The following TSHZ2 variants were observed in gnomAD, a reference collection of about 807,000 sequenced individuals.
TSHZ2 encodes teashirt zinc finger homeobox 2.
Under a neutral mutation model 74.4 loss-of-function variants are expected in TSHZ2, and 21 were observed. The ratio of observed to expected loss-of-function variants is 0.28; its 90% CI spans 0.20 to 0.41. The LOEUF (loss-of-function observed/expected upper bound fraction) is 0.41. TSHZ2 is among the 10% of genes least tolerant of loss of function. TSHZ2 has a pLI of 1.00. For synonymous variants in TSHZ2, 540 were observed against 515.3 expected, an observed-to-expected ratio of 1.05 and a Z score of -0.65; for missense variants, 1,244 against 1,293.5, an observed-to-expected ratio of 0.96 and a Z score of 0.59.
intron 1 of TSHZ2, among the ~76,000 whole-genome samples, chr20:53,002,311 C>T (rs965903775): frequency 1.3e-5 from 2 of 152,200 alleles, no homozygotes; most frequent in Admixed American, 6.5e-5. Flanking sequence ...CCCGTGCTGT[C>T]GACCCTTCTG....
chr20:53,160,639 C>G (rs2123461507), intron 1 of TSHZ2, among the ~76,000 whole-genome samples: 1 of 150,860 alleles, frequency 6.6e-6, no homozygotes, highest in East Asian at 2.0e-4. Context: ...CATGGTGGTG[C>G]ACACCTAAGG....
chr20:53,205,744 C>T (rs1989152045), intron 1 of TSHZ2, among the ~76,000 whole-genome samples: 1 of 152,178 alleles, frequency 6.6e-6, no homozygotes, highest in African/African-American at 2.4e-5. Context: ...CCTGCTCCCT[C>T]TCAATGCCTT....
intron 2 of TSHZ2, among the ~76,000 whole-genome samples, chr20:53,415,535 C>T (rs550518976): frequency 6.6e-6 from 1 of 152,148 alleles, no homozygotes; most frequent in South Asian, 2.1e-4. Context: ...CCACCTAGCA[C>T]ACTCTTACTA....
intron 2 of TSHZ2, among the ~76,000 whole-genome samples, chr20:53,392,785 T>C (rs1399549381): frequency 6.6e-6 from 1 of 152,120 alleles, no homozygotes; most frequent in South Asian, 2.1e-4. Context: ...TGGGTTTTGG[T>C]GTACAGATAA....
chr20:53,095,266 T>C (rs1244173803), intron 1 of TSHZ2, among the ~76,000 whole-genome samples: 1 of 152,256 alleles, frequency 6.6e-6, no homozygotes, highest in Non-Finnish European at 1.5e-5. Context: ...TCTAGCAGCC[T>C]CAGCTTTATA....
intron 1 of TSHZ2, among the ~76,000 whole-genome samples, chr20:53,072,032 C>T (rs954249417): frequency 1.3e-5 from 2 of 152,166 alleles, no homozygotes; most frequent in African/African-American, 2.4e-5. Flanking sequence ...CTAAACATCC[C>T]GTAATGCACA....
chr20:53,193,629 G>T (rs1385599513), intron 1 of TSHZ2, among the ~76,000 whole-genome samples: 1 of 152,158 alleles, frequency 6.6e-6, no homozygotes, highest in Non-Finnish European at 1.5e-5. Flanking sequence ...TTTTCAATGG[G>T]TTGAATTCAT....
intron 1 of TSHZ2, among the ~76,000 whole-genome samples, chr20:53,051,323 G>A (rs1463980908): frequency 1.3e-5 from 2 of 152,026 alleles, no homozygotes; most frequent in East Asian, 3.9e-4. Flanking sequence ...TGGGTGACGG[G>A]AGCAAGACTG....
chr20:53,055,697 G>T (rs1984617301), intron 1 of TSHZ2, among the ~76,000 whole-genome samples: 6 of 152,160 alleles, frequency 3.9e-5, no homozygotes, highest in Middle Eastern at 3.4e-3. Context: ...CAACTGACAT[G>T]TTACCTCTTT....
chr20:53,149,854 G>A (rs896889397), intron 1 of TSHZ2, among the ~76,000 whole-genome samples: 12 of 152,142 alleles, frequency 7.9e-5, no homozygotes, highest in African/African-American at 2.2e-4. Context: ...AAGCACGCTC[G>A]GAAAATGCCC....
rs1302346626 is a variant in TSHZ2 at position 53,489,322 on chromosome 20, A to T, written c.*2187A>T. ...AATGAATGGAGCTCGACTGGAAAGG[A>T]ACAGTCTTCAGATGGGTTAAGATTG... On this transcript the variant is annotated 3_prime_UTR_variant, in exon 3 of 3. Coordinates refer to ENST00000371497, the MANE Select transcript of TSHZ2 (RefSeq NM_173485.6). 1 of 394,556 alleles carries T rather than the reference A, an allele frequency of 2.5e-6. No homozygotes were observed. Among genetic ancestry groups the T allele is most frequent in the Non-Finnish European group, 5.0e-6 (1 of 198,536 alleles). The allele number at this position is 394,556 out of a possible 1,614,324, so 24.4% of individuals were successfully genotyped here. A position where few individuals can be genotyped will look rare whatever the true frequency, so the allele number is the denominator to read the frequency against.
chr20:52,982,596 A>G (rs1297243215), intron 1 of TSHZ2, among the ~76,000 whole-genome samples: 1 of 152,226 alleles, frequency 6.6e-6, no homozygotes, highest in Non-Finnish European at 1.5e-5. Context: ...AGGTGCTGTA[A>G]AAATAACAGT....
chr20:53,406,726 C>A (rs1299758355), intron 2 of TSHZ2, among the ~76,000 whole-genome samples: 1 of 152,086 alleles, frequency 6.6e-6, no homozygotes, highest in Non-Finnish European at 1.5e-5. Context: ...CAAATAATGA[C>A]AGAAGAGCAA....
At chr20:53,375,648 G>A (rs943599137) in intron 2 of TSHZ2, among the ~76,000 whole-genome samples, 4 of 152,126 alleles carry the variant, frequency 2.6e-5, no homozygotes, top group East Asian at 1.9e-4. Flanking sequence ...TTCCCATCTC[G>A]GGGTGCCTAT....
intron 1 of TSHZ2, among the ~76,000 whole-genome samples, chr20:53,089,347 A>T (rs1228078848): frequency 8.1e-6 from 1 of 124,190 alleles, no homozygotes; most frequent in Admixed American, 8.2e-5. Context: ...TTTTTATTAA[A>T]CAGAGTTTTT....
chr20:53,237,424 G>C (rs1373927017), intron 1 of TSHZ2, among the ~76,000 whole-genome samples: 1 of 151,994 alleles, frequency 6.6e-6, no homozygotes, highest in Non-Finnish European at 1.5e-5. Context: ...TTGCACAACT[G>C]GTTCAAGCCC....
At chr20:53,050,194 T>C (rs984656482) in intron 1 of TSHZ2, among the ~76,000 whole-genome samples, 12 of 146,780 alleles carry the variant, frequency 8.2e-5, no homozygotes, top group African/African-American at 2.8e-4. Flanking sequence ...TATGTATATA[T>C]ATATATGTAT....
At chr20:53,151,766 A>G (rs1205981335) in intron 1 of TSHZ2, among the ~76,000 whole-genome samples, 1 of 152,200 alleles carries the variant, frequency 6.6e-6, no homozygotes, top group Non-Finnish European at 1.5e-5. Flanking sequence ...GGCCTTTCTA[A>G]TAACTACAGC....
chr20:53,429,661 G>C (rs1983769771), intron 2 of TSHZ2, among the ~76,000 whole-genome samples: 1 of 152,156 alleles, frequency 6.6e-6, no homozygotes, highest in Admixed American at 6.5e-5. Context: ...TTAGTAGCGT[G>C]AAAACAGACT....
Sources: gnomAD v4.1 joint callset for allele counts (sites outside exome capture counted in the v4.1 genomes callset) on GRCh38, gnomAD v4.1.1 for gene constraint, MANE v1.5 for transcripts, NCBI Gene and HGNC (gene_info 2026-07-23, HGNC 2026-07-21) for gene names.